Variants in RALGPS1 observed in about 807,000 individuals in gnomAD.
The protein encoded by RALGPS1 is Ral GEF with PH domain and SH3 binding motif 1.
Under a neutral mutation model 78.8 loss-of-function variants are expected in RALGPS1, and 19 were observed. That is an observed-to-expected ratio of 0.24 (90% CI 0.17 to 0.35). The LOEUF is 0.35. RALGPS1 is among the 10% of genes least tolerant of loss of function. The probability of loss-of-function intolerance (pLI) is 1.00; values close to 1 mark genes in which losing one functional copy is unlikely to be tolerated. For missense variants in RALGPS1, 454 were observed against 688.3 expected, an observed-to-expected ratio of 0.66 and a Z score of 3.81; for synonymous variants, 228 against 256.3, an observed-to-expected ratio of 0.89 and a Z score of 1.06.
intron 4 of RALGPS1, among the ~76,000 whole-genome samples, chr9:127,020,409 A>T (rs1367415711): frequency 6.6e-6 from 1 of 152,244 alleles, no homozygotes; most frequent in African/African-American, 2.4e-5. Context: ...ATTAAGAAAG[A>T]TTGAACTGTG....
chr9:126,960,604 A>T (rs1170458203), intron 1 of RALGPS1, among the ~76,000 whole-genome samples: 1 of 152,052 alleles, frequency 6.6e-6, no homozygotes, highest in Non-Finnish European at 1.5e-5. Context: ...AGGGTTGCAG[A>T]TGGAGTCAAT....
At chr9:127,174,686 T>C in intron 10 of RALGPS1, 29 bp from the exon 11 acceptor site, 1 of 1,610,876 alleles carries the variant, frequency 6.2e-7, no homozygotes, top group South Asian at 1.1e-5. Context: ...CCAGAGCCCA[T>C]CTGATCTTAT....
At chr9:127,003,881 C>T (rs777020718) in intron 4 of RALGPS1, among the ~76,000 whole-genome samples, 19 of 152,112 alleles carry the variant, frequency 1.2e-4, no homozygotes, top group Non-Finnish European at 2.4e-4. Context: ...TTTCAGTTGT[C>T]CAGCATCTCT....
chr9:127,114,895 A>G (rs973810113), intron 8 of RALGPS1, among the ~76,000 whole-genome samples: 2 of 152,254 alleles, frequency 1.3e-5, no homozygotes, highest in Non-Finnish European at 2.9e-5. Flanking sequence ...CAGAAGACAG[A>G]TGAAAACATC....
At chr9:126,928,069 A>C (rs2035465852) in intron 1 of RALGPS1, among the ~76,000 whole-genome samples, 1 of 152,154 alleles carries the variant, frequency 6.6e-6, no homozygotes, top group African/African-American at 2.4e-5. Flanking sequence ...TAAAAGTGGA[A>C]GTCTGTCTCC....
chr9:127,110,973 G>A (rs948317260), intron 8 of RALGPS1, among the ~76,000 whole-genome samples: 3 of 151,864 alleles, frequency 2.0e-5, no homozygotes, highest in East Asian at 1.9e-4. Context: ...AAAGTCAAAC[G>A]GGGTCACTCT....
intron 8 of RALGPS1, among the ~76,000 whole-genome samples, chr9:127,158,675 T>C (rs1158084289): frequency 1.3e-5 from 2 of 152,140 alleles, no homozygotes; most frequent in Non-Finnish European, 2.9e-5. Context: ...GTTTTCTCGT[T>C]TCTTTTTTTT....
At chr9:126,959,504 CA>C (rs1184688569) in intron 1 of RALGPS1, among the ~76,000 whole-genome samples, 1 of 152,132 alleles carries the variant, frequency 6.6e-6, no homozygotes, top group African/African-American at 2.4e-5. Context: ...TGAGACTTCT[CA>C]GCCCGTCTCC....
intron 4 of RALGPS1, among the ~76,000 whole-genome samples, chr9:127,033,508 G>C (rs917189496): frequency 1.3e-5 from 2 of 152,170 alleles, no homozygotes; most frequent in African/African-American, 4.8e-5. Context: ...GAAAACTCTA[G>C]GTCAATGGCA....
intron 4 of RALGPS1, among the ~76,000 whole-genome samples, chr9:126,998,115 G>T (rs2042944944): frequency 6.6e-6 from 1 of 152,138 alleles, no homozygotes; most frequent in Non-Finnish European, 1.5e-5. Flanking sequence ...CATGGGCAAG[G>T]ACTTCATATC....
At position 127,183,974 on chromosome 9, in the gene RALGPS1, C is replaced by G; in HGVS notation, c.910+9192C>G. ...GATGTGGCCCAGCTCCTCACGAGTACCAGCGGCTCCCCCAGCATCTGCTGC... is the reference window on the plus strand; with the variant it reads ...GATGTGGCCCAGCTCCTCACGAGTAGCAGCGGCTCCCCCAGCATCTGCTGC... On this transcript the variant is annotated intron_variant, in intron 11 of 18. Coordinates refer to ENST00000259351, the MANE Select transcript of RALGPS1 (RefSeq NM_014636.3). The surrounding 1 kb of genome is among the most constrained non-coding windows in gnomAD (Gnocchi z 4.0). 6.5e-7 allele frequency: 1 copy of G among 1,550,300 alleles called. No individual in the cohort carries two copies. The highest frequency in any genetic ancestry group is 8.7e-7 in the Non-Finnish European group (1 of 1,146,940).
intron 1 of RALGPS1, among the ~76,000 whole-genome samples, chr9:126,934,409 A>G (rs1171403803): frequency 6.6e-6 from 1 of 152,216 alleles, no homozygotes; most frequent in Non-Finnish European, 1.5e-5. Context: ...CCCTGACCAT[A>G]GTGAAATGTG....
intron 3 of RALGPS1, among the ~76,000 whole-genome samples, chr9:126,977,474 C>G (rs2040775990): frequency 6.6e-6 from 1 of 152,186 alleles, no homozygotes; most frequent in Non-Finnish European, 1.5e-5. Flanking sequence ...AAGTTCATCT[C>G]ACATTCAAGA....
At chr9:127,176,707 G>C (rs1404100712) in intron 11 of RALGPS1, among the ~76,000 whole-genome samples, 1 of 152,186 alleles carries the variant, frequency 6.6e-6, no homozygotes, top group African/African-American at 2.4e-5. Flanking sequence ...CTGTCCTTCA[G>C]ACAGCTCTGG....
chr9:127,114,216 T>C (rs1271296688), intron 8 of RALGPS1, among the ~76,000 whole-genome samples: 4 of 152,222 alleles, frequency 2.6e-5, no homozygotes, highest in Non-Finnish European at 5.9e-5. Flanking sequence ...ATAGTCTTTA[T>C]GTTTTTTATA....
In RALGPS1 at chr9:127,212,179, C is replaced by T. The variant is rs762460360; in HGVS notation, c.1296C>T (p.Pro432=). The T allele has an allele frequency of 4.3e-6, 7 of 1,613,922 alleles. No homozygotes were observed. Among genetic ancestry groups the T allele is most frequent in the East Asian group, 2.2e-5 (1 of 44,874 alleles). ...ICSLGNSAAV[P]TMEGPLRRKT... ...CTCTGGGGAACTCCGCAGCTGTGCC[C>T]ACCATGGAGGGGCCTCTGAGAAGAA... Residue 432 remains proline, a synonymous_variant, in exon 15 of 19, where the codon CCC becomes CCT. Coordinates refer to ENST00000259351, the MANE Select transcript of RALGPS1 (RefSeq NM_014636.3). The surrounding 1 kb of genome is among the most constrained non-coding windows in gnomAD (Gnocchi z 6.0).
chr9:126,979,413 C>T (rs561700864), intron 4 of RALGPS1, among the ~76,000 whole-genome samples: 198 of 152,324 alleles, frequency 1.3e-3, no homozygotes, highest in Non-Finnish European at 1.5e-3. Context: ...CATCAAATCA[C>T]TGCCTCTTGA....
At chr9:126,944,743 T>C (rs575703371) in intron 1 of RALGPS1, among the ~76,000 whole-genome samples, 2 of 152,336 alleles carry the variant, frequency 1.3e-5, no homozygotes, top group Admixed American at 1.3e-4. Flanking sequence ...CCACACTGTT[T>C]ACTGAACTAC....
chr9:127,107,041 G>A (rs1171854134), intron 8 of RALGPS1: 1 of 152,242 alleles, frequency 6.6e-6, no homozygotes, highest in Non-Finnish European at 1.5e-5. Flanking sequence ...GGGACTGGAT[G>A]TGTGCTGACA....
Sources: gnomAD v4.1 joint callset for allele counts (sites outside exome capture counted in the v4.1 genomes callset) on GRCh38, gnomAD v4.1.1 for gene constraint, Gnocchi (gnomAD v3.1) non-coding constraint, MANE v1.5 for transcripts, NCBI Gene and HGNC (gene_info 2026-07-23, HGNC 2026-07-21) for gene names.